ST3GAL4: variants seen among roughly 807,000 people sequenced by gnomAD.
ST3GAL4 encodes ST3 beta-galactoside alpha-2,3-sialyltransferase 4.
A neutral mutation model predicts 42.6 loss-of-function variants in ST3GAL4; 24 were observed. That is an observed-to-expected ratio of 0.56 (90% CI 0.41 to 0.79). ST3GAL4 has a LOEUF of 0.79. ST3GAL4 is among the 30% of genes least tolerant of loss of function. The pLI, the probability that ST3GAL4 is intolerant of heterozygous loss-of-function variation, is 0.00. For missense variants in ST3GAL4, 311 were observed against 430.8 expected (o/e 0.72, Z 2.46); for synonymous variants, 135 against 163.2 (o/e 0.83, Z 1.32).
At chr11:126,390,323 G>GTTTTTTTTTTTTT in intron 1 of ST3GAL4, among the ~76,000 whole-genome samples, 1 of 148,826 alleles carries the variant, frequency 6.7e-6, no homozygotes. Flanking sequence ...AGTGTTTCCA[G>GTTTTTTTTTTTTT]TTTGTTTGTT....
chr11:126,362,776 A>G (rs1370045097), intron 1 of ST3GAL4, among the ~76,000 whole-genome samples: 1 of 152,238 alleles, frequency 6.6e-6, no homozygotes, highest in African/African-American at 2.4e-5. Context: ...GGGTAAGAGT[A>G]TCTGCCACGT....
Position 126,376,507 on chromosome 11 carries a change from T to A in ST3GAL4, c.-61+20665T>A, listed in dbSNP as rs1371808688. 1.3e-5 allele frequency among the ~76,000 whole-genome samples: 2 copies of A among 152,244 alleles called. No homozygotes were observed. Among genetic ancestry groups the A allele is most frequent in the Non-Finnish European group, 2.9e-5 (2 of 68,044 alleles). On this transcript the variant is annotated intron_variant, in intron 1 of 10. Coordinates refer to ENST00000444328, the MANE Select transcript of ST3GAL4 (RefSeq NM_001254757.2). The surrounding 1 kb of genome is among the most constrained non-coding windows in gnomAD (Gnocchi z 5.1). Reference sequence around the variant, plus strand: ...GAAGTTTCCTAGTCACATAACCATATGTTAGTTGGCTACTTATGATTGGCT... The same window carrying A: ...GAAGTTTCCTAGTCACATAACCATAAGTTAGTTGGCTACTTATGATTGGCT...
In ST3GAL4 at chr11:126,373,075, T is replaced by TA. The variant is rs1952715239; in HGVS notation, c.-61+17233_-61+17234insA. On this transcript the variant is annotated intron_variant, in intron 1 of 10. Coordinates refer to ENST00000444328, the MANE Select transcript of ST3GAL4 (RefSeq NM_001254757.2). This position sits in a 1 kb window ranked among gnomAD's most constrained non-coding sequence, Gnocchi z 5.5. ...GTTGATTACATGCACTGTACCTGAC[T>TA]TGTTTAAAGCCTGATGTCTTGAGTA... Among the ~76,000 whole-genome samples, 1 of 152,230 alleles carries TA rather than the reference T, an allele frequency of 6.6e-6. No homozygotes were observed. Among genetic ancestry groups the TA allele is most frequent in the South Asian group, 2.1e-4 (1 of 4,838 alleles).
intron 5 of ST3GAL4, 100 bp from the exon 6 acceptor site, chr11:126,407,474 G>C (rs1026896513): frequency 4.4e-6 from 7 of 1,573,240 alleles, no homozygotes; most frequent in Admixed American, 1.7e-5. Context: ...GTCAGGGGAA[G>C]AAGAAGGCAG....
At chr11:126,367,391 GA>G (rs1311343341) in intron 1 of ST3GAL4, among the ~76,000 whole-genome samples, 3 of 152,170 alleles carry the variant, frequency 2.0e-5, no homozygotes, top group Admixed American at 6.5e-5. Flanking sequence ...GTCACGTATG[GA>G]CCAGGAGAGG....
intron 1 of ST3GAL4, among the ~76,000 whole-genome samples, chr11:126,401,147 G>A (rs1031326091): frequency 6.6e-6 from 1 of 152,064 alleles, no homozygotes; most frequent in Non-Finnish European, 1.5e-5. Context: ...AATTAGTGCT[G>A]AAAATAAAGA....
In ST3GAL4 at chr11:126,392,481, GC is replaced by G; in HGVS notation, c.-60-13613del. ...ATTTGGCAGAAAGTGCGCTGGCTCT[GC>G]CAGCTCCCAGTGTGAGCTTCTAGCA... On this transcript the variant is annotated intron_variant, in intron 1 of 10. Transcript: ENST00000444328. This position sits in a 1 kb window ranked among gnomAD's most constrained non-coding sequence, Gnocchi z 5.8. 1 of 564,902 alleles carries G rather than the reference GC, an allele frequency of 1.8e-6. No individual in the cohort carries two copies. Among genetic ancestry groups the G allele is most frequent in the Non-Finnish European group, 2.2e-6 (1 of 445,576 alleles). 35.0% of individuals were successfully genotyped at this position (564,902 alleles called of 1,614,324 possible).
chr11:126,409,696 A>G lies in ST3GAL4; in HGVS notation c.771+285A>G, dbSNP rs905550316. On this transcript the variant is annotated intron_variant, in intron 9 of 10. Coordinates refer to ENST00000444328, the MANE Select transcript of ST3GAL4 (RefSeq NM_001254757.2). The surrounding 1 kb of genome is among the most constrained non-coding windows in gnomAD (Gnocchi z 4.9). ...GGCAGGCGCTGGTCAGAATTTGTCAACTGGGGAGCTGCTGGAACAGTCAGT... is the reference window on the plus strand; with the variant it reads ...GGCAGGCGCTGGTCAGAATTTGTCAGCTGGGGAGCTGCTGGAACAGTCAGT... 7.9e-5 allele frequency among the ~76,000 whole-genome samples: 12 copies of G among 152,132 alleles called. No homozygotes were observed. The highest frequency in any genetic ancestry group is 2.4e-4 in the African/African-American group (10 of 41,438).
rs549869505 is a variant in ST3GAL4, at chr11:126,366,368, G to C, written c.-61+10526G>C. ...GCATGGGGTGGTGGGGGCGTGCAGA[G>C]AGGAGGAGGACTGAGAGCTGGGTGT... On this transcript the variant is annotated intron_variant, in intron 1 of 10. Transcript: ENST00000444328. This position sits in a 1 kb window ranked among gnomAD's most constrained non-coding sequence, Gnocchi z 4.2. 6.6e-6 allele frequency among the ~76,000 whole-genome samples: 1 copy of C among 152,186 alleles called. No homozygotes were observed. The highest frequency in any genetic ancestry group is 2.4e-5 in the African/African-American group (1 of 41,444).
At position 126,406,259 on chromosome 11, in the gene ST3GAL4, GAGGGACAGACAGGGAGCC is replaced by G. The variant is rs1236720631; in HGVS notation, c.16+93_16+110del. On this transcript the variant is annotated intron_variant, in intron 2 of 10. Transcript: ENST00000444328. This position sits in a 1 kb window ranked among gnomAD's most constrained non-coding sequence, Gnocchi z 5.4. ...GATCCTGGGACCTCTGGGGGCTGTG[GAGGGACAGACAGGGAGCC>G]AGGGGCCCTTCTCTTCATCTTGAAG... 6.5e-7 allele frequency: 1 copy of G among 1,549,740 alleles called. No homozygotes were observed. Among genetic ancestry groups the G allele is most frequent in the Non-Finnish European group, 8.7e-7 (1 of 1,146,922 alleles).
chr11:126,387,106 G>A (rs1019826070), intron 1 of ST3GAL4, among the ~76,000 whole-genome samples: 8 of 152,182 alleles, frequency 5.3e-5, no homozygotes, highest in African/African-American at 1.9e-4. Flanking sequence ...GAGAGGCGCA[G>A]GTGACGCGTG....
At chr11:126,365,763 G>C (rs948383621) in intron 1 of ST3GAL4, among the ~76,000 whole-genome samples, 14 of 152,224 alleles carry the variant, frequency 9.2e-5, no homozygotes, top group African/African-American at 2.9e-4. Flanking sequence ...TGGGTGCCGG[G>C]TGGGCTGAGA....
chr11:126,404,486 C>G (rs1375978134), intron 1 of ST3GAL4, among the ~76,000 whole-genome samples: 2 of 152,048 alleles, frequency 1.3e-5, no homozygotes, highest in African/African-American at 4.8e-5. Flanking sequence ...GGGAGACAGA[C>G]AGAAAGAAAA....
rs369213303 is a variant in ST3GAL4 at position 126,359,661 on chromosome 11, C to G, written c.-61+3819C>G. Among the ~76,000 whole-genome samples the G allele has an allele frequency of 3.3e-5, 5 of 152,236 alleles. No homozygotes were observed. Among genetic ancestry groups the G allele is most frequent in the Non-Finnish European group, 7.3e-5 (5 of 68,042 alleles). ...CCCGAACCCCACATCCCGGCCGGGC[C>G]GTACCCTGAGCACACGCTTGTCCGC... On this transcript the variant is annotated intron_variant, in intron 1 of 10. Coordinates refer to ENST00000444328, the MANE Select transcript of ST3GAL4 (RefSeq NM_001254757.2). This position sits in a 1 kb window ranked among gnomAD's most constrained non-coding sequence, Gnocchi z 4.8.
At chr11:126,369,976 A>G (rs1343139385) in intron 1 of ST3GAL4, among the ~76,000 whole-genome samples, 12 of 152,344 alleles carry the variant, frequency 7.9e-5, no homozygotes, top group East Asian at 1.9e-4. Context: ...ATCAGCATGC[A>G]TCGATTTGCA....
chr11:126,382,812 C>A (rs932293363), intron 1 of ST3GAL4, among the ~76,000 whole-genome samples: 1 of 152,190 alleles, frequency 6.6e-6, no homozygotes, highest in Non-Finnish European at 1.5e-5. Flanking sequence ...CCTTGACAGG[C>A]GGGAATCTGT....
chr11:126,380,527 G>A (rs1190220062), intron 1 of ST3GAL4, among the ~76,000 whole-genome samples: 5 of 152,168 alleles, frequency 3.3e-5, no homozygotes, highest in African/African-American at 1.2e-4. Flanking sequence ...CATAAAGGTC[G>A]GTGATAATTC....
chr11:126,383,504 G>A lies in ST3GAL4; in HGVS notation c.-60-22592G>A, dbSNP rs1054269556. The stretch of plus-strand genomic sequence containing the variant: ...GGAAAAGAGTGCCCTGGCTTGGGGG[G>A]GCCCTCAAGCCCCGGAAGCTGTATG... On this transcript the variant is annotated intron_variant, in intron 1 of 10. Transcript: ENST00000444328. This position sits in a 1 kb window ranked among gnomAD's most constrained non-coding sequence, Gnocchi z 4.5. 1.3e-5 allele frequency among the ~76,000 whole-genome samples: 2 copies of A among 152,164 alleles called. No homozygotes were observed. The highest frequency in any genetic ancestry group is 2.9e-5 in the Non-Finnish European group (2 of 68,022).
Position 126,398,583 on chromosome 11 carries a change from C to CTGG in ST3GAL4, c.-60-7512_-60-7510dup, listed in dbSNP as rs953028323. 8.5e-5 allele frequency among the ~76,000 whole-genome samples: 13 copies of CTGG among 152,240 alleles called. No homozygotes were observed. The highest frequency in any genetic ancestry group is 3.1e-4 in the African/African-American group (13 of 41,464). ...TACTCCCACAGCTCCACTAGGCTTC[C>CTGG]TGGGGACTCTCAGCAGCTCAGACTC... On this transcript the variant is annotated intron_variant, in intron 1 of 10. Coordinates refer to ENST00000444328, the MANE Select transcript of ST3GAL4 (RefSeq NM_001254757.2). The surrounding 1 kb of genome is among the most constrained non-coding windows in gnomAD (Gnocchi z 4.7).
Sources: gnomAD v4.1 joint callset for allele counts (sites outside exome capture counted in the v4.1 genomes callset) on GRCh38, gnomAD v4.1.1 for gene constraint, Gnocchi (gnomAD v3.1) non-coding constraint, MANE v1.5 for transcripts, NCBI Gene and HGNC (gene_info 2026-07-23, HGNC 2026-07-21) for gene names.